The following GRID2 variants were observed in gnomAD, a reference collection of about 807,000 sequenced individuals.
GRID2 encodes glutamate receptor ionotropic, delta-2.
GRID2 carries 33 observed loss-of-function variants against 114.8 expected under a neutral mutation model. The observed-to-expected ratio is 0.29, with a 90% CI of 0.22 to 0.38. The LOEUF is 0.38. Ranked by LOEUF, GRID2 falls within the 10% of genes least tolerant of loss-of-function variation. The probability of loss-of-function intolerance (pLI) is 1.00; values close to 1 mark genes in which losing one functional copy is unlikely to be tolerated. For missense variants in GRID2, 1,184 were observed against 1,257.7 expected, an observed-to-expected ratio of 0.94 and a Z score of 0.89; for synonymous variants, 505 against 449.9, an observed-to-expected ratio of 1.12 and a Z score of -1.55.
At chr4:92,934,019 GT>G (rs1692203707) in intron 2 of GRID2, among the ~76,000 whole-genome samples, 2 of 151,632 alleles carry the variant, frequency 1.3e-5, no homozygotes, top group African/African-American at 4.8e-5. Context: ...TACACAGCAA[GT>G]TTGTAAATTT....
intron 14 of GRID2, among the ~76,000 whole-genome samples, chr4:93,724,394 T>C (rs545864501): frequency 6.6e-6 from 1 of 152,308 alleles, no homozygotes; most frequent in South Asian, 2.1e-4. Context: ...CGTATCTTCA[T>C]AGGTAGTTAC....
intron 14 of GRID2, among the ~76,000 whole-genome samples, chr4:93,646,444 A>G (rs113135158): frequency 1.3e-5 from 2 of 152,194 alleles, no homozygotes; most frequent in Non-Finnish European, 2.9e-5. Context: ...AGAGGGAACA[A>G]ACAAGGCAGT....
At chr4:93,634,925 C>A (rs977917073) in intron 14 of GRID2, among the ~76,000 whole-genome samples, 1 of 136,468 alleles carries the variant, frequency 7.3e-6, no homozygotes, top group African/African-American at 2.6e-5. Flanking sequence ...TCTCCTACTT[C>A]TTCCAGCTGT....
At chr4:92,916,684 A>G (rs1196243407) in intron 2 of GRID2, among the ~76,000 whole-genome samples, 1 of 152,180 alleles carries the variant, frequency 6.6e-6, no homozygotes. Flanking sequence ...TACAAAGGAT[A>G]TGAACTCGTC....
At chr4:93,477,274 C>T (rs1432582744) in intron 11 of GRID2, among the ~76,000 whole-genome samples, 1 of 152,054 alleles carries the variant, frequency 6.6e-6, no homozygotes, top group African/African-American at 2.4e-5. Context: ...GAGTGTTCTG[C>T]CTGTATAGCC....
intron 1 of GRID2, among the ~76,000 whole-genome samples, chr4:92,512,571 A>G (rs1724306507): frequency 6.6e-6 from 1 of 151,886 alleles, no homozygotes; most frequent in Non-Finnish European, 1.5e-5. Flanking sequence ...GCCTTTATAA[A>G]TGCTTTAACT....
intron 1 of GRID2, among the ~76,000 whole-genome samples, chr4:92,329,948 A>G (rs1352161131): frequency 2.0e-5 from 3 of 150,664 alleles, no homozygotes; most frequent in African/African-American, 7.3e-5. Flanking sequence ...GAGAGAAGAG[A>G]GAGAGGGAAG....
At chr4:92,813,349 A>G (rs1740740715) in intron 2 of GRID2, among the ~76,000 whole-genome samples, 1 of 152,092 alleles carries the variant, frequency 6.6e-6, no homozygotes, top group South Asian at 2.1e-4. Flanking sequence ...ACCAACTTAT[A>G]TCCTCACACA....
At chr4:92,513,015 G>A (rs1724331803) in intron 1 of GRID2, among the ~76,000 whole-genome samples, 1 of 151,844 alleles carries the variant, frequency 6.6e-6, no homozygotes, top group African/African-American at 2.4e-5. Flanking sequence ...TTAACATATA[G>A]AATGGCTCCT....
intron 1 of GRID2, among the ~76,000 whole-genome samples, chr4:92,549,150 C>T (rs1726445145): frequency 1.3e-5 from 2 of 148,688 alleles, no homozygotes; most frequent in African/African-American, 2.5e-5. Context: ...TGAACACTTA[C>T]CAAGTAATCT....
chr4:93,567,401 A>G (rs964129318), intron 13 of GRID2, among the ~76,000 whole-genome samples: 1 of 152,226 alleles, frequency 6.6e-6, no homozygotes, highest in Non-Finnish European at 1.5e-5. Flanking sequence ...AAAGCAAGGA[A>G]GTTTCCAACT....
intron 8 of GRID2, among the ~76,000 whole-genome samples, chr4:93,293,945 T>A (rs1416706062): frequency 6.6e-6 from 1 of 152,188 alleles, no homozygotes; most frequent in East Asian, 1.9e-4. Context: ...AGTGAACACA[T>A]AACATATCAT....
intron 4 of GRID2, among the ~76,000 whole-genome samples, chr4:93,182,201 C>T (rs1466464496): frequency 6.6e-6 from 1 of 152,068 alleles, no homozygotes; most frequent in East Asian, 1.9e-4. Flanking sequence ...CTTAAACTAC[C>T]TCATGCAGGC....
intron 1 of GRID2, among the ~76,000 whole-genome samples, chr4:92,545,137 T>A (rs954142074): frequency 2.0e-5 from 3 of 152,026 alleles, no homozygotes; most frequent in African/African-American, 7.2e-5. Flanking sequence ...CTTCAAACTT[T>A]ACTAATGTGT....
intron 8 of GRID2, among the ~76,000 whole-genome samples, chr4:93,253,945 G>A (rs963260341): frequency 2.6e-5 from 4 of 151,960 alleles, no homozygotes; most frequent in African/African-American, 9.7e-5. Context: ...ATATTTTGAG[G>A]ACCTGTTATT....
At chr4:92,667,168 A>G (rs1202488605) in intron 2 of GRID2, among the ~76,000 whole-genome samples, 1 of 151,684 alleles carries the variant, frequency 6.6e-6, no homozygotes, top group Non-Finnish European at 1.5e-5. Flanking sequence ...ACAAGCCTTT[A>G]TAGCATTCTA....
At chr4:92,529,981 G>T (rs1479984990) in intron 1 of GRID2, among the ~76,000 whole-genome samples, 1 of 151,884 alleles carries the variant, frequency 6.6e-6, no homozygotes, top group East Asian at 1.9e-4. Flanking sequence ...CTTTGAGTTG[G>T]CAACTGTATG....
chr4:93,440,295 T>A (rs541552964), intron 10 of GRID2, among the ~76,000 whole-genome samples: 4 of 151,664 alleles, frequency 2.6e-5, no homozygotes, highest in Non-Finnish European at 5.9e-5. Flanking sequence ...GACTGCCCAG[T>A]GATAAATGCT....
At chr4:92,893,224 A>G (rs1746918142) in intron 2 of GRID2, among the ~76,000 whole-genome samples, 1 of 152,144 alleles carries the variant, frequency 6.6e-6, no homozygotes, top group Admixed American at 6.6e-5. Flanking sequence ...TATACCCCAT[A>G]GAGTTTAAAC....
Sources: gnomAD v4.1 joint callset for allele counts (sites outside exome capture counted in the v4.1 genomes callset) on GRCh38, gnomAD v4.1.1 for gene constraint, MANE v1.5 for transcripts, NCBI Gene and HGNC (gene_info 2026-07-23, HGNC 2026-07-21) for gene names.